Variants in SYN1 observed in about 807,000 individuals in gnomAD.
The protein encoded by SYN1 is synapsin I, also known as synapsin-1.
SYN1 carries 8 observed loss-of-function variants against 44.6 expected under a neutral mutation model. That is an observed-to-expected ratio of 0.18 (90% CI 0.11 to 0.32). SYN1 has a LOEUF of 0.32. Among genes scored for constraint, SYN1 ranks in the 10% least tolerant of loss-of-function variants. The pLI, the probability that SYN1 is intolerant of heterozygous loss-of-function variation, is 1.00. For synonymous variants in SYN1, 275 were observed against 280.1 expected (o/e 0.98, Z 0.18); for missense variants, 451 against 639.4 (o/e 0.71, Z 3.18).
At chrX:47,614,244 G>A (rs1255262385) in intron 1 of SYN1, among the ~76,000 whole-genome samples, 1 of 111,503 alleles carries the variant, frequency 9.0e-6, no homozygotes, top group African/African-American at 3.3e-5. Flanking sequence ...CTGGCACCCA[G>A]GGGATCCACT....
chrX:47,583,390 CAT>C, intron 5 of SYN1: 1 of 1,182,813 alleles, frequency 8.5e-7, no homozygotes, highest in Non-Finnish European at 1.1e-6. Flanking sequence ...GCCTGCCTGA[CAT>C]CCCCCTTCCC....
intron 5 of SYN1, among the ~76,000 whole-genome samples, chrX:47,589,551 A>G (rs2057840857): frequency 1.9e-5 from 2 of 104,464 alleles, no homozygotes; most frequent in Admixed American, 1.0e-4. Flanking sequence ...AGCTGAGATC[A>G]AGCCACTGCA....
At position 47,572,773 on chromosome X, in the gene SYN1, C is replaced by T. The variant is rs1263408321; in HGVS notation, c.*91G>A. ...ATCTTGGAGAACCGGGAGATGGGTT[C>T]TCAAGGGATTTGGAGACTCCAAAAG... On this transcript the variant is annotated 3_prime_UTR_variant, in exon 13 of 13. Coordinates refer to ENST00000295987, the MANE Select transcript of SYN1 (RefSeq NM_006950.3). 7 of 1,168,203 alleles carry T rather than the reference C, an allele frequency of 6.0e-6. No homozygotes were observed. The highest frequency in any genetic ancestry group is 5.8e-6 in the Non-Finnish European group (5 of 860,053).
At chrX:47,590,506 AC>A (rs1474436002) in intron 5 of SYN1, among the ~76,000 whole-genome samples, 1 of 112,133 alleles carries the variant, frequency 8.9e-6, no homozygotes, top group Non-Finnish European at 1.9e-5. Context: ...AGTCTTTGAG[AC>A]TTGGGGATCA....
Position 47,572,938 on chromosome X carries a change from G to A in SYN1, c.2044C>T (p.Leu682Phe), listed in dbSNP as rs2147911481. Residue 682 changes from leucine (L) to phenylalanine (F), a missense_variant, in exon 13 of 13, where the codon CTT (leucine) becomes TTT (phenylalanine). Leu to Phe is a conservative substitution (Grantham distance 22, BLOSUM62 0). This residue lies in a region of SYN1 where 127 missense variants were observed against 154.8 expected (regional missense o/e 0.82). Coordinates refer to ENST00000295987, the MANE Select transcript of SYN1 (RefSeq NM_006950.3). ...TCAGCTTTCACCTCGTCCTGGCTAA[G>A]GCTGGGCCTGGGCGGGGCTGGCTCT... is the stretch of plus-strand genomic sequence containing the variant. Reference protein sequence around the residue: ...LPEPAPPRPSLSQDEVKAETI... With the variant: ...LPEPAPPRPSFSQDEVKAETI... 8.3e-7 allele frequency: 1 copy of A among 1,211,926 alleles called. No homozygotes were observed. The highest frequency in any genetic ancestry group is 1.1e-6 in the Non-Finnish European group (1 of 895,536).
intron 5 of SYN1, among the ~76,000 whole-genome samples, chrX:47,599,726 A>G (rs9887335): frequency 0.42 from 46,149 of 110,967 alleles, 7,348 homozygotes; most frequent in African/African-American, 0.6. Flanking sequence ...AAGTTATCTC[A>G]GGGTAAACAC....
intron 4 of SYN1, 70 bp downstream of exon 4, chrX:47,605,153 A>G (rs970097988): frequency 6.7e-6 from 8 of 1,201,508 alleles, no homozygotes; most frequent in Non-Finnish European, 7.9e-6. Flanking sequence ...CAAATCGCAG[A>G]CTGGTTTCAA....
intron 5 of SYN1, among the ~76,000 whole-genome samples, chrX:47,579,685 G>C (rs1008488724): frequency 3.6e-5 from 4 of 111,772 alleles, no homozygotes; most frequent in African/African-American, 1.3e-4. Context: ...GTTGGCGTCA[G>C]AACCAGAGTC....
Position 47,572,650 on chromosome X carries a change from A to C in SYN1, c.*214T>G, listed in dbSNP as rs2057763549. ...CTGAAGTGACCACGAGTGGGGTTCT[A>C]AAAGGACTTGGGGATTCCACATGTG... On this transcript the variant is annotated 3_prime_UTR_variant, in exon 13 of 13. Coordinates refer to ENST00000295987, the MANE Select transcript of SYN1 (RefSeq NM_006950.3). The C allele has an allele frequency of 2.2e-6, 1 of 449,123 alleles. No homozygotes were observed. Among genetic ancestry groups the C allele is most frequent in the African/African-American group, 2.5e-5 (1 of 40,172 alleles). The allele number at this position is 449,123 out of a possible 1,213,427, so 37.0% of individuals were successfully genotyped here.
Position 47,577,461 on chromosome X carries a change from T to C in SYN1, c.815A>G (p.His272Arg). 2 of 1,207,494 alleles carry C rather than the reference T, an allele frequency of 1.7e-6. No individual in the cohort carries two copies. The highest frequency in any genetic ancestry group is 2.2e-6 in the Non-Finnish European group (2 of 893,574). ...CACCTTGCCCATCCCAGAGTGTGCG[T>C]GCCCCATCTTCACAACCACGGGGTA... ...TTYPVVVKMGHAHSGMGKVKV... is the reference protein window; with the variant it reads ...TTYPVVVKMGRAHSGMGKVKV... Residue 272 changes from histidine to arginine, a missense_variant, in exon 6 of 13, where the codon CAC becomes CGC. Around this residue, in one of 3 missense-constraint regions of SYN1, gnomAD observed 315 missense variants for 451.4 expected, o/e 0.70. Transcript: ENST00000295987.
intron 5 of SYN1, among the ~76,000 whole-genome samples, chrX:47,602,196 C>T (rs1466150422): frequency 1.8e-5 from 2 of 112,029 alleles, no homozygotes; most frequent in Non-Finnish European, 3.8e-5. Flanking sequence ...AACTGAGGTA[C>T]AGGGCGTTTA....
chrX:47,608,223 AAAGGAAGGAAGG>A (rs1158172239), intron 1 of SYN1, among the ~76,000 whole-genome samples: 5 of 56,617 alleles, frequency 8.8e-5, no homozygotes, highest in African/African-American at 2.5e-4. Context: ...AAATAAAGAG[AAAGGAAGGAAGG>A]AAGGAAGGAA....
At position 47,576,539 on chromosome X, in the gene SYN1, G is replaced by T; in HGVS notation, c.939C>A (p.Asp313Glu). The T allele has an allele frequency of 8.3e-7, 1 of 1,211,714 alleles. No homozygotes were observed. Among genetic ancestry groups the T allele is most frequent in the Non-Finnish European group, 1.1e-6 (1 of 895,584 alleles). The change falls in exon 7 of 13, where the codon GAC (aspartate) becomes GAA (glutamate). Residue 313 changes from aspartate (D) to glutamate (E), a missense_variant. Transcript: ENST00000295987. ...TAEPFIDAKY[D>E]VRVQKIGQNY... is the part of the protein sequence containing the mutation. ...TCTGCCCAATCTTCTGGACACGCAC[G>T]TCATATTTGGCATCGATGAAGGGCT...
Position 47,584,642 on chromosome X carries a change from T to G in SYN1, c.775-7141A>C, listed in dbSNP as rs139559591. On this transcript the variant is annotated intron_variant, in intron 5 of 12. Coordinates refer to ENST00000295987, the MANE Select transcript of SYN1 (RefSeq NM_006950.3). ...GGGATTTCTGTGTTTTGTTCACTGT[T>G]GTGTCCCTAACACCCAGAACAATGT... 6.4e-3 allele frequency among the ~76,000 whole-genome samples: 715 copies of G among 112,372 alleles called. 3 individuals are homozygous for G. The highest frequency in any genetic ancestry group is 8.6e-3 in the Non-Finnish European group (458 of 53,240).
rs183908122 is a variant in SYN1 at position 47,610,200 on chromosome X, G to A, written c.378-3002C>T. 2.4e-4 allele frequency among the ~76,000 whole-genome samples: 27 copies of A among 111,058 alleles called. No individual in the cohort carries two copies. The East Asian group carries it at 3.7e-3, about 15-fold the overall frequency. On this transcript the variant is annotated intron_variant, in intron 1 of 12. Transcript: ENST00000295987. ...TAATTCTACGTGGTGGCGGAGCTTC[G>A]GAGAAAGTTGACTTCTCAGGCCCAG...
At chrX:47,590,663 A>G (rs1414007477) in intron 5 of SYN1, among the ~76,000 whole-genome samples, 1 of 111,082 alleles carries the variant, frequency 9.0e-6, no homozygotes, top group African/African-American at 3.3e-5. Context: ...GGAGGAGCCC[A>G]GAAAGGGCTT....
chrX:47,589,434 A>G (rs1262685607), intron 5 of SYN1, among the ~76,000 whole-genome samples: 1 of 107,309 alleles, frequency 9.3e-6, no homozygotes, highest in African/African-American at 3.4e-5. Flanking sequence ...TCTACTAAAA[A>G]TACCAAAAAA....
rs1448698813 is a variant in SYN1 at position 47,572,940 on chromosome X, C to T, written c.2042G>A (p.Ser681Asn). The change falls in exon 13 of 13, where the codon AGC becomes AAC. Residue 681 changes from serine to asparagine, a missense_variant. Coordinates refer to ENST00000295987, the MANE Select transcript of SYN1 (RefSeq NM_006950.3). Reference sequence around the variant, plus strand: ...AGCTTTCACCTCGTCCTGGCTAAGGCTGGGCCTGGGCGGGGCTGGCTCTGG... The same window carrying T: ...AGCTTTCACCTCGTCCTGGCTAAGGTTGGGCCTGGGCGGGGCTGGCTCTGG... ...NLPEPAPPRP[S>N]LSQDEVKAET... is the part of the protein sequence containing the mutation. 1 of 1,211,602 alleles carries T rather than the reference C, an allele frequency of 8.3e-7. No homozygotes were observed. The highest frequency in any genetic ancestry group is 1.1e-6 in the Non-Finnish European group (1 of 895,473).
At position 47,619,509 on chromosome X, in the gene SYN1, C is replaced by T; in HGVS notation, c.220G>A (p.Gly74Ser). The T allele has an allele frequency of 4.2e-6, 5 of 1,198,180 alleles. No individual in the cohort carries two copies. The highest frequency in any genetic ancestry group is 5.6e-6 in the Non-Finnish European group (5 of 892,198). Residue 74 changes from glycine (G) to serine (S), a missense_variant, in exon 1 of 13, where the codon GGT becomes AGT. By Grantham distance (56) the Gly-to-Ser change is moderately conservative. Coordinates refer to ENST00000295987, the MANE Select transcript of SYN1 (RefSeq NM_006950.3). Reference sequence around the variant, plus strand: ...TTGGACAGCGACGAGAAGAAGCCACCGCCCCCCGAGGACCCGGGGCTAGGG... The same window carrying T: ...TTGGACAGCGACGAGAAGAAGCCACTGCCCCCCGAGGACCCGGGGCTAGGG... ...AAPSPGSSGG[G>S]GFFSSLSNAV... is the part of the protein sequence containing the mutation.
Sources: gnomAD v4.1 joint callset for allele counts (sites outside exome capture counted in the v4.1 genomes callset) on GRCh38, gnomAD v4.1.1 for gene constraint, gnomAD v4.1.1 regional missense constraint, MANE v1.5 for transcripts, NCBI Gene and HGNC (gene_info 2026-07-23, HGNC 2026-07-21) for gene names.